VPS13B: variants seen among roughly 807,000 people sequenced by gnomAD.
VPS13B encodes the protein intermembrane lipid transfer protein VPS13B.
In VPS13B, 285 loss-of-function variants were observed where a neutral mutation model predicts 426.4. The observed-to-expected ratio is 0.67, with a 90% CI of 0.61 to 0.74. VPS13B has a LOEUF of 0.74. VPS13B is among the 30% of genes least tolerant of loss of function. VPS13B has a pLI of 0.00. For missense variants in VPS13B, 4,537 were observed against 4,782.6 expected, an observed-to-expected ratio of 0.95 and a Z score of 1.51; for synonymous variants, 1,676 against 1,676.4, an observed-to-expected ratio of 1.00 and a Z score of 0.01.
intron 27 of VPS13B, among the ~76,000 whole-genome samples, chr8:99,504,005 A>G (rs927927819): frequency 7.2e-5 from 11 of 152,140 alleles, no homozygotes; most frequent in Non-Finnish European, 1.3e-4. Context: ...TCCCTTCCAA[A>G]TCTCATGTGG....
chr8:99,358,487 T>A (rs530545595), intron 19 of VPS13B, among the ~76,000 whole-genome samples: 14 of 152,310 alleles, frequency 9.2e-5, no homozygotes, highest in African/African-American at 3.1e-4. Context: ...TTATTTTCTT[T>A]ACACATAAAA....
chr8:99,678,130 C>G (rs1588615729), intron 35 of VPS13B, among the ~76,000 whole-genome samples: 1 of 152,172 alleles, frequency 6.6e-6, no homozygotes, highest in East Asian at 1.9e-4. Flanking sequence ...TCTCTCTTCT[C>G]TCTCCTTGCT....
chr8:99,195,567 A>C (rs1813867492), intron 17 of VPS13B, among the ~76,000 whole-genome samples: 1 of 152,130 alleles, frequency 6.6e-6, no homozygotes, highest in East Asian at 1.9e-4. Context: ...GCCGTGCAGA[A>C]GTTTTTGTTT....
At chr8:99,340,698 G>T (rs747342236) in intron 19 of VPS13B, 2 of 374,004 alleles carry the variant, frequency 5.3e-6, no homozygotes, top group Non-Finnish European at 1.0e-5. Flanking sequence ...CAGGTGTTTT[G>T]TTCTCCAGGT....
chr8:99,477,495 A>G (rs1819762773), intron 24 of VPS13B, among the ~76,000 whole-genome samples: 1 of 152,240 alleles, frequency 6.6e-6, no homozygotes, highest in Non-Finnish European at 1.5e-5. Flanking sequence ...ACTGAGGTAT[A>G]CTGTCAGAAG....
At chr8:99,746,764 A>T (rs768027843) in intron 39 of VPS13B, among the ~76,000 whole-genome samples, 4 of 151,588 alleles carry the variant, frequency 2.6e-5, no homozygotes, top group African/African-American at 9.8e-5. Flanking sequence ...GATTAAAAGT[A>T]AAGACCAAAC....
intron 19 of VPS13B, among the ~76,000 whole-genome samples, chr8:99,296,484 CT>C (rs960855559): frequency 6.6e-6 from 1 of 152,080 alleles, no homozygotes; most frequent in Non-Finnish European, 1.5e-5. Context: ...GAAACCTGGA[CT>C]GAATGTAAAT....
intron 2 of VPS13B, among the ~76,000 whole-genome samples, chr8:99,028,456 G>A (rs1842268993): frequency 1.5e-5 from 2 of 133,388 alleles, no homozygotes; most frequent in African/African-American, 5.8e-5. Flanking sequence ...TCACTTCCCA[G>A]TAGGGGCGGC....
intron 19 of VPS13B, chr8:99,340,819 G>A (rs1037569843): frequency 3.0e-6 from 1 of 331,042 alleles, no homozygotes. Context: ...CACGCGGACC[G>A]CCTCAGAGCC....
chr8:99,139,434 C>CTTTTTTTTTTTTTTTTTTTTTT (rs368548690), intron 12 of VPS13B, among the ~76,000 whole-genome samples: 2 of 135,676 alleles, frequency 1.5e-5, no homozygotes, highest in African/African-American at 2.7e-5. Context: ...TTGATATTTC[C>CTTTTTTTTTTTTTTTTTTTTTT]TTTTTTTTTT....
rs2133932562 is a variant in VPS13B at position 99,642,493 on chromosome 8, G to T, written c.5903G>T (p.Cys1968Phe). 1.2e-6 allele frequency: 2 copies of T among 1,611,704 alleles called. No individual in the cohort carries two copies. Among genetic ancestry groups the T allele is most frequent in the East Asian group, 2.2e-5 (1 of 44,848 alleles). The change falls in exon 34 of 62, where the codon TGT (cysteine) becomes TTT (phenylalanine). Residue 1968 changes from cysteine to phenylalanine, a missense_variant. This residue lies in a region of VPS13B where 4,311 missense variants were observed against 4,474.3 expected (regional missense o/e 0.96). Coordinates refer to ENST00000357162, the MANE Select transcript of VPS13B (RefSeq NM_152564.5). Reference sequence around the variant, plus strand: ...AAAGGGGTGGCCTCTGATTACAAATGTATAGGTAAGAACCTTCAAACTTAC... The same window carrying T: ...AAAGGGGTGGCCTCTGATTACAAATTTATAGGTAAGAACCTTCAAACTTAC... ...VLKGVASDYK[C>F]IDPGKTLPEA...
intron 19 of VPS13B, among the ~76,000 whole-genome samples, chr8:99,364,469 G>A (rs1812733051): frequency 6.6e-6 from 1 of 151,992 alleles, no homozygotes; most frequent in South Asian, 2.1e-4. Context: ...GTCTCACTCT[G>A]TCACCCAGGC....
At chr8:99,802,932 T>A (rs1427379269) in intron 43 of VPS13B, among the ~76,000 whole-genome samples, 1 of 152,208 alleles carries the variant, frequency 6.6e-6, no homozygotes, top group Non-Finnish European at 1.5e-5. Flanking sequence ...CTGTCTACCT[T>A]ACAAGATTGT....
intron 35 of VPS13B, among the ~76,000 whole-genome samples, chr8:99,687,795 A>G (rs1348576457): frequency 6.6e-6 from 1 of 152,080 alleles, no homozygotes; most frequent in African/African-American, 2.4e-5. Context: ...AAAAACAGGT[A>G]CGGTGATTGC....
At chr8:99,207,947 A>G (rs755875815) in intron 17 of VPS13B, among the ~76,000 whole-genome samples, 9 of 152,218 alleles carry the variant, frequency 5.9e-5, no homozygotes, top group Non-Finnish European at 1.0e-4. Context: ...TGTGTCACCT[A>G]TTACAAGATC....
At chr8:99,435,347 G>A (rs376167791) in intron 22 of VPS13B, among the ~76,000 whole-genome samples, 2 of 152,036 alleles carry the variant, frequency 1.3e-5, no homozygotes, top group African/African-American at 2.4e-5. Context: ...GAATAATGTG[G>A]TATAATTATC....
chr8:99,379,838 T>G (rs1813696073), intron 19 of VPS13B, among the ~76,000 whole-genome samples: 1 of 152,182 alleles, frequency 6.6e-6, no homozygotes, highest in African/African-American at 2.4e-5. Flanking sequence ...AAGGGGCTCA[T>G]TTGACAGAAA....
intron 15 of VPS13B, among the ~76,000 whole-genome samples, chr8:99,165,965 A>G (rs1563578294): frequency 6.6e-6 from 1 of 152,132 alleles, no homozygotes; most frequent in Non-Finnish European, 1.5e-5. Context: ...GGTAATACAC[A>G]GTTTTATTTT....
chr8:99,853,539 G>T lies in VPS13B; in HGVS notation c.10150G>T (p.Ala3384Ser), dbSNP rs1816398351. 1 of 1,614,188 alleles carries T rather than the reference G, an allele frequency of 6.2e-7. No homozygotes were observed. The highest frequency in any genetic ancestry group is 1.3e-5 in the African/African-American group (1 of 75,042). The change falls in exon 56 of 62, where the codon GCT becomes TCT. Residue 3384 changes from alanine (A) to serine (S), a missense_variant. Physicochemically the swap from Ala to Ser is moderately conservative, Grantham distance 99 (BLOSUM62 1). This residue lies in a region of VPS13B where 4,311 missense variants were observed against 4,474.3 expected (regional missense o/e 0.96). Transcript: ENST00000357162. ...FDDLTHHKAS[A>S]ELLRLTLDNI... Reference sequence around the variant, plus strand: ...TGACCTCACCCACCACAAAGCATCAGCTGAGCTTCTGAGACTCACACTGGA... The same window carrying T: ...TGACCTCACCCACCACAAAGCATCATCTGAGCTTCTGAGACTCACACTGGA...
Sources: gnomAD v4.1 joint callset for allele counts (sites outside exome capture counted in the v4.1 genomes callset) on GRCh38, gnomAD v4.1.1 for gene constraint, gnomAD v4.1.1 regional missense constraint, MANE v1.5 for transcripts, NCBI Gene and HGNC (gene_info 2026-07-23, HGNC 2026-07-21) for gene names.